CCDC192: variants seen among roughly 807,000 people sequenced by gnomAD.
CCDC192 encodes the protein coiled-coil domain-containing protein 192.
chr5:127,844,782 G>A (rs924694550), intron 5 of CCDC192, among the ~76,000 whole-genome samples: 3 of 152,280 alleles, frequency 2.0e-5, no homozygotes, highest in East Asian at 1.9e-4. Context: ...TTGTTGTTTC[G>A]TACCATGTGG....
chr5:127,880,355 A>C (rs1752296512), intron 6 of CCDC192, among the ~76,000 whole-genome samples: 1 of 151,424 alleles, frequency 6.6e-6, no homozygotes, highest in African/African-American at 2.4e-5. Flanking sequence ...CCCAAGAACA[A>C]AAAACCAAAC....
At chr5:127,920,797 A>ATGC (rs1353381842) in intron 6 of CCDC192, among the ~76,000 whole-genome samples, 3 of 152,062 alleles carry the variant, frequency 2.0e-5, no homozygotes, top group Admixed American at 6.5e-5. Flanking sequence ...GTGGTGGCTT[A>ATGC]TGCCTGTACT....
intron 5 of CCDC192, among the ~76,000 whole-genome samples, chr5:127,864,554 T>G (rs1034800753): frequency 1.3e-5 from 2 of 152,336 alleles, no homozygotes; most frequent in Middle Eastern, 3.4e-3. Flanking sequence ...ATTAACAAGA[T>G]AGTCCTTGAA....
At chr5:127,853,972 C>A (rs1460289828) in intron 5 of CCDC192, among the ~76,000 whole-genome samples, 1 of 152,186 alleles carries the variant, frequency 6.6e-6, no homozygotes. Context: ...TGACTCTATT[C>A]CCAGCTCCCC....
At chr5:127,732,603 T>C (rs1389095274) in intron 2 of CCDC192, among the ~76,000 whole-genome samples, 1 of 152,126 alleles carries the variant, frequency 6.6e-6, no homozygotes, top group Non-Finnish European at 1.5e-5. Context: ...CAAATGTCCA[T>C]CAATGATAGA....
At chr5:127,731,340 A>G (rs1351871510) in intron 2 of CCDC192, among the ~76,000 whole-genome samples, 2 of 152,190 alleles carry the variant, frequency 1.3e-5, no homozygotes, top group African/African-American at 4.8e-5. Context: ...GAAGAACTAC[A>G]AACTACTGCT....
chr5:127,812,170 A>G (rs1472840948), intron 5 of CCDC192, among the ~76,000 whole-genome samples: 1 of 152,208 alleles, frequency 6.6e-6, no homozygotes, highest in Non-Finnish European at 1.5e-5. Flanking sequence ...TGGTACCTAC[A>G]ACACAATCAA....
intron 2 of CCDC192, among the ~76,000 whole-genome samples, chr5:127,750,267 C>A (rs1176454659): frequency 6.6e-6 from 1 of 152,100 alleles, no homozygotes; most frequent in South Asian, 2.1e-4. Context: ...ATAAATTTCC[C>A]TCTACACACT....
At position 127,752,885 on chromosome 5, in the gene CCDC192, G is replaced by A. The variant is rs560683740; in HGVS notation, c.115-1383G>A. Among the ~76,000 whole-genome samples, 152 of 152,274 alleles carry A rather than the reference G, an allele frequency of 1.0e-3. 2 individuals are homozygous for A. The highest frequency in any genetic ancestry group is 3.4e-3 in the African/African-American group (141 of 41,542). On this transcript the variant is annotated intron_variant, in intron 2 of 6. Transcript: ENST00000514853. ...GGAGTGACCCGATTTTCCAGGTGCC[G>A]TTCGTCACCCCTTTCTTTGACTAGG...
chr5:127,773,416 A>G (rs1054911137), intron 3 of CCDC192, among the ~76,000 whole-genome samples: 2 of 152,182 alleles, frequency 1.3e-5, no homozygotes, highest in Non-Finnish European at 2.9e-5. Context: ...CTTTATGCCC[A>G]TTAAGTAATT....
chr5:127,726,320 G>A (rs185708023), intron 2 of CCDC192, among the ~76,000 whole-genome samples: 2 of 152,240 alleles, frequency 1.3e-5, no homozygotes. Flanking sequence ...GGGTTAAATT[G>A]CATTAATTAA....
chr5:127,888,485 C>G (rs898803602), intron 6 of CCDC192, among the ~76,000 whole-genome samples: 2 of 151,608 alleles, frequency 1.3e-5, no homozygotes, highest in African/African-American at 4.9e-5. Context: ...CATTCATACT[C>G]AAAGATATTT....
intron 2 of CCDC192, among the ~76,000 whole-genome samples, chr5:127,733,991 A>G (rs1164028118): frequency 3.3e-5 from 5 of 150,842 alleles, no homozygotes; most frequent in Admixed American, 6.6e-5. Flanking sequence ...TTAGTTACAT[A>G]TGTATACATG....
At chr5:127,827,958 G>A (rs1749609493) in intron 5 of CCDC192, among the ~76,000 whole-genome samples, 1 of 152,092 alleles carries the variant, frequency 6.6e-6, no homozygotes, top group South Asian at 2.1e-4. Context: ...CCAGACTGGA[G>A]TGCAGTGGCG....
intron 3 of CCDC192, among the ~76,000 whole-genome samples, chr5:127,788,724 C>A (rs1261279165): frequency 6.6e-6 from 1 of 152,116 alleles, no homozygotes; most frequent in African/African-American, 2.4e-5. Flanking sequence ...GTCCTGTAGG[C>A]CTCTTAGGTT....
intron 2 of CCDC192, among the ~76,000 whole-genome samples, chr5:127,732,700 A>G (rs1331241459): frequency 6.6e-6 from 1 of 152,186 alleles, no homozygotes; most frequent in Non-Finnish European, 1.5e-5. Context: ...AGGAACATGG[A>G]TGGAGCTGGA....
chr5:127,758,478 T>A (rs1754737003), intron 3 of CCDC192, among the ~76,000 whole-genome samples: 1 of 152,190 alleles, frequency 6.6e-6, no homozygotes, highest in South Asian at 2.1e-4. Flanking sequence ...AGACTTATAA[T>A]CTGGGTTAGT....
intron 2 of CCDC192, among the ~76,000 whole-genome samples, chr5:127,747,147 G>A (rs375257152): frequency 2.0e-5 from 3 of 150,246 alleles, no homozygotes; most frequent in East Asian, 2.0e-4. Flanking sequence ...GGGTACATGT[G>A]CACATTGTGC....
chr5:127,786,519 C>T, intron 3 of CCDC192: 1 of 632,662 alleles, frequency 1.6e-6, no homozygotes, highest in Non-Finnish European at 2.9e-6. Context: ...GAATTTCTTA[C>T]CTGTTTATTC....
Sources: allele counts gnomAD v4.1 joint callset (sites outside exome capture counted in the v4.1 genomes callset), GRCh38; gene constraint gnomAD v4.1.1; transcripts MANE v1.5; gene names NCBI Gene and HGNC (gene_info 2026-07-23, HGNC 2026-07-21).